INPP4B: variants seen among roughly 807,000 people sequenced by gnomAD.
INPP4B encodes the protein inositol polyphosphate-4-phosphatase type II B.
Under a neutral mutation model 122.5 loss-of-function variants are expected in INPP4B, and 55 were observed. That is an observed-to-expected ratio of 0.45 (90% confidence interval 0.36 to 0.56). The LOEUF is 0.56. INPP4B is among the 20% of genes least tolerant of loss of function. The pLI, the probability that INPP4B is intolerant of heterozygous loss-of-function variation, is 0.00. For synonymous variants in INPP4B, 403 were observed against 388.7 expected (o/e 1.04, Z -0.43); for missense variants, 1,000 against 1,097.7 (o/e 0.91, Z 1.26).
chr4:142,820,039 C>T (rs1780607948), intron 1 of INPP4B, among the ~76,000 whole-genome samples: 1 of 152,094 alleles, frequency 6.6e-6, no homozygotes, highest in African/African-American at 2.4e-5. Flanking sequence ...GCACCTGAAT[C>T]CTTGTCTCAG....
chr4:142,481,868 A>C (rs1820591537), intron 2 of INPP4B, among the ~76,000 whole-genome samples: 1 of 152,206 alleles, frequency 6.6e-6, no homozygotes, highest in Non-Finnish European at 1.5e-5. Flanking sequence ...TAGTGTTAAT[A>C]AGGAACTGGA....
intron 2 of INPP4B, among the ~76,000 whole-genome samples, chr4:142,659,330 C>T (rs191497119): frequency 0.011 from 1,718 of 151,542 alleles, 30 homozygotes; most frequent in African/African-American, 0.031. Context: ...GGCGTGAACC[C>T]GGGAGGTGGA....
At chr4:142,152,155 G>A (rs1368327179) in intron 17 of INPP4B, among the ~76,000 whole-genome samples, 2 of 136,074 alleles carry the variant, frequency 1.5e-5, no homozygotes, top group Non-Finnish European at 1.5e-5. Flanking sequence ...CTCACTGCAA[G>A]CTCCGCCTCC....
chr4:142,072,490 AG>A (rs1768064461), intron 25 of INPP4B, among the ~76,000 whole-genome samples: 1 of 151,630 alleles, frequency 6.6e-6, no homozygotes, highest in African/African-American at 2.4e-5. Flanking sequence ...TAAAAAAAAA[AG>A]TAAATAAAAG....
chr4:142,501,800 A>G (rs1007689678), intron 2 of INPP4B, among the ~76,000 whole-genome samples: 1 of 152,148 alleles, frequency 6.6e-6, no homozygotes, highest in African/African-American at 2.4e-5. Context: ...AAGTTGGAAA[A>G]CAAAGAAAAT....
At chr4:142,537,971 T>C (rs529335405) in intron 2 of INPP4B, among the ~76,000 whole-genome samples, 224 of 152,174 alleles carry the variant, frequency 1.5e-3, no homozygotes, top group Non-Finnish European at 2.8e-3. Flanking sequence ...AAAACTCTTT[T>C]TCAAGAATAT....
At chr4:142,327,684 C>T (rs545381649) in intron 7 of INPP4B, among the ~76,000 whole-genome samples, 97 of 152,204 alleles carry the variant, frequency 6.4e-4, no homozygotes, top group Non-Finnish European at 1.2e-3. Flanking sequence ...TTCCAGGGCC[C>T]TACTTGTCTA....
intron 1 of INPP4B, among the ~76,000 whole-genome samples, chr4:142,793,379 A>C (rs1314640792): frequency 6.6e-6 from 1 of 152,138 alleles, no homozygotes; most frequent in Non-Finnish European, 1.5e-5. Context: ...AAACTCAGTT[A>C]GTGTTAAGCT....
chr4:142,639,754 C>G (rs1749976891), intron 2 of INPP4B, among the ~76,000 whole-genome samples: 1 of 152,094 alleles, frequency 6.6e-6, no homozygotes, highest in African/African-American at 2.4e-5. Context: ...AGTTCATCAA[C>G]AAGCATTCTG....
intron 18 of INPP4B, among the ~76,000 whole-genome samples, chr4:142,140,150 T>TCTAC (rs745977482): frequency 2.0e-5 from 3 of 152,226 alleles, no homozygotes; most frequent in Non-Finnish European, 4.4e-5. Flanking sequence ...TAAGCAATGA[T>TCTAC]ATGTGGACTA....
chr4:142,516,406 T>C (rs1410852275), intron 2 of INPP4B, among the ~76,000 whole-genome samples: 1 of 152,140 alleles, frequency 6.6e-6, no homozygotes, highest in Non-Finnish European at 1.5e-5. Flanking sequence ...TTCAAGTATT[T>C]ATACACATAG....
At chr4:142,068,611 G>A (rs1303661796) in intron 25 of INPP4B, among the ~76,000 whole-genome samples, 2 of 152,082 alleles carry the variant, frequency 1.3e-5, no homozygotes, top group Non-Finnish European at 2.9e-5. Context: ...GACACACATA[G>A]GCTCAAAATA....
At chr4:142,547,383 G>A (rs1250466896) in intron 2 of INPP4B, among the ~76,000 whole-genome samples, 1 of 152,050 alleles carries the variant, frequency 6.6e-6, no homozygotes, top group East Asian at 1.9e-4. Flanking sequence ...TTTAATGAAG[G>A]ATCCTTCAGC....
intron 17 of INPP4B, among the ~76,000 whole-genome samples, chr4:142,150,434 C>T (rs1226977612): frequency 2.6e-5 from 4 of 152,190 alleles, no homozygotes; most frequent in African/African-American, 9.7e-5. Flanking sequence ...GCTAGGTCCC[C>T]TACTGTATGA....
intron 24 of INPP4B, among the ~76,000 whole-genome samples, chr4:142,082,470 A>AG (rs1051607880): frequency 5.3e-5 from 8 of 152,172 alleles, no homozygotes; most frequent in African/African-American, 9.7e-5. Context: ...ACACTACCCA[A>AG]GGGGGGTGCC....
intron 7 of INPP4B, among the ~76,000 whole-genome samples, chr4:142,351,530 A>G (rs1781930695): frequency 6.6e-6 from 1 of 151,986 alleles, no homozygotes; most frequent in Non-Finnish European, 1.5e-5. Flanking sequence ...CAGAAAGGGT[A>G]ACATTTTGTT....
chr4:142,565,023 A>T (rs567246828), intron 2 of INPP4B, among the ~76,000 whole-genome samples: 2 of 152,252 alleles, frequency 1.3e-5, no homozygotes, highest in South Asian at 4.1e-4. Flanking sequence ...CTTCGCATTT[A>T]GTTGTCATGT....
At chr4:142,245,623 C>G (rs1164611474) in intron 11 of INPP4B, among the ~76,000 whole-genome samples, 1 of 151,930 alleles carries the variant, frequency 6.6e-6, no homozygotes, top group Non-Finnish European at 1.5e-5. Flanking sequence ...GGAGGAGTCC[C>G]TCTTTTTCTG....
chr4:142,545,304 A>G (rs991393678), intron 2 of INPP4B, among the ~76,000 whole-genome samples: 39 of 152,282 alleles, frequency 2.6e-4, no homozygotes, highest in Non-Finnish European at 4.7e-4. Context: ...TATTGTGAGT[A>G]CTTTATATTG....
Sources: gnomAD v4.1 joint callset for allele counts (sites outside exome capture counted in the v4.1 genomes callset) on GRCh38, gnomAD v4.1.1 for gene constraint, MANE v1.5 for transcripts, NCBI Gene and HGNC (gene_info 2026-07-23, HGNC 2026-07-21) for gene names.